Variants in MAPK10 observed in about 807,000 individuals in gnomAD.
MAPK10 encodes the protein JNK3 alpha protein kinase.
A neutral mutation model predicts 59.3 loss-of-function variants in MAPK10; 25 were observed. The ratio of observed to expected loss-of-function variants is 0.42; its 90% confidence interval spans 0.31 to 0.59. MAPK10 has a LOEUF of 0.59. MAPK10 is among the 20% of genes least tolerant of loss of function. The pLI, the probability that MAPK10 is intolerant of heterozygous loss-of-function variation, is 0.15. For synonymous variants in MAPK10, 190 were observed against 200.5 expected (o/e 0.95, Z 0.44); for missense variants, 351 against 568.9 (o/e 0.62, Z 3.90).
intron 11 of MAPK10, among the ~76,000 whole-genome samples, chr4:86,036,170 C>T (rs1430677295): frequency 6.6e-6 from 1 of 152,020 alleles, no homozygotes; most frequent in African/African-American, 2.4e-5. Flanking sequence ...TCGCAGGGCA[C>T]CAGAAAGGCA....
rs1742719465 is a variant in MAPK10 at position 86,014,931 on chromosome 4, A to G, written c.*2297T>C. ...GTGGTATAAAGTAAGGGAGGGGAGAAGCCACAGATATATCAAGAGAAAAGT... is the reference window on the plus strand; with the variant it reads ...GTGGTATAAAGTAAGGGAGGGGAGAGGCCACAGATATATCAAGAGAAAAGT... On this transcript the variant is annotated 3_prime_UTR_variant, in exon 14 of 14. Transcript: ENST00000641462. The G allele has an allele frequency of 6.6e-6, 1 of 151,912 alleles. No individual in the cohort carries two copies. The allele number at this position is 151,912 out of a possible 1,614,324, so 9.4% of individuals were successfully genotyped here. A position where few individuals can be genotyped will look rare whatever the true frequency, so the allele number is the denominator to read the frequency against.
intron 13 of MAPK10, among the ~76,000 whole-genome samples, chr4:86,021,165 T>C (rs369759118): frequency 6.6e-6 from 1 of 151,882 alleles, no homozygotes; most frequent in Non-Finnish European, 1.5e-5. Flanking sequence ...TCACAAACCT[T>C]GAGCTAAACA....
At chr4:86,282,601 T>C (rs544773465) in intron 2 of MAPK10, among the ~76,000 whole-genome samples, 8 of 152,318 alleles carry the variant, frequency 5.3e-5, no homozygotes, top group African/African-American at 1.9e-4. Context: ...ACATATAATT[T>C]AAAATTTTCC....
At chr4:86,373,183 C>T (rs951168051) in intron 1 of MAPK10, among the ~76,000 whole-genome samples, 11 of 152,096 alleles carry the variant, frequency 7.2e-5, no homozygotes, top group South Asian at 2.1e-4. Flanking sequence ...TAATAAACGA[C>T]GTTGGGAAAA....
Position 86,013,742 on chromosome 4 carries a change from G to GA in MAPK10, c.*3485dup, listed in dbSNP as rs1165994312. 1.3e-5 allele frequency: 2 copies of GA among 152,054 alleles called. No homozygotes were observed. The highest frequency in any genetic ancestry group is 4.8e-5 in the African/African-American group (2 of 41,410). 9.4% of individuals were successfully genotyped at this position (152,054 alleles called of 1,614,324 possible). On this transcript the variant is annotated 3_prime_UTR_variant, in exon 14 of 14. Transcript: ENST00000641462. Reference sequence around the variant, plus strand: ...GATAATATTTTTCTGATAACAGATTGAAAAAACTATCGAGCTTCTTAACCC... The same window carrying GA: ...GATAATATTTTTCTGATAACAGATTGAAAAAAACTATCGAGCTTCTTAACCC...
At chr4:86,169,049 C>T (rs2073043145) in intron 3 of MAPK10, among the ~76,000 whole-genome samples, 2 of 151,818 alleles carry the variant, frequency 1.3e-5, no homozygotes, top group African/African-American at 2.4e-5. Context: ...ACATCCACAC[C>T]AAAAACCCAT....
At chr4:86,054,116 A>G (rs1361524844) in intron 11 of MAPK10, among the ~76,000 whole-genome samples, 1 of 152,214 alleles carries the variant, frequency 6.6e-6, no homozygotes, top group African/African-American at 2.4e-5. Flanking sequence ...TGAACAATTC[A>G]ACCATTCCAG....
chr4:86,239,837 T>A (rs1389003724), intron 2 of MAPK10, among the ~76,000 whole-genome samples: 1 of 152,038 alleles, frequency 6.6e-6, no homozygotes, highest in Non-Finnish European at 1.5e-5. Flanking sequence ...TGGGAGGGTT[T>A]TTTGTATCTC....
At chr4:86,448,083 T>C (rs1004648289) in intron 1 of MAPK10, among the ~76,000 whole-genome samples, 2 of 152,162 alleles carry the variant, frequency 1.3e-5, no homozygotes, top group Non-Finnish European at 1.5e-5. Context: ...TATGTTAATA[T>C]GTAAAGAGCC....
At chr4:86,447,899 T>A (rs1280721317) in intron 1 of MAPK10, among the ~76,000 whole-genome samples, 1 of 152,320 alleles carries the variant, frequency 6.6e-6, no homozygotes, top group Non-Finnish European at 1.5e-5. Context: ...CATGGGGGAA[T>A]GTGTAGCCTA....
intron 1 of MAPK10, among the ~76,000 whole-genome samples, chr4:86,411,946 T>G (rs1409867918): frequency 6.6e-6 from 1 of 152,210 alleles, no homozygotes; most frequent in African/African-American, 2.4e-5. Context: ...GTCATTATGA[T>G]GTTAGCTGGT....
chr4:86,140,804 C>T (rs182440533), intron 4 of MAPK10, among the ~76,000 whole-genome samples: 12 of 152,214 alleles, frequency 7.9e-5, no homozygotes, highest in East Asian at 3.9e-4. Context: ...CACGCATGCA[C>T]GCATAACTAT....
At chr4:86,365,172 A>G (rs1473586746) in intron 1 of MAPK10, among the ~76,000 whole-genome samples, 1 of 151,908 alleles carries the variant, frequency 6.6e-6, no homozygotes. Flanking sequence ...CACCTTGGCC[A>G]GGTAATCCCA....
intron 2 of MAPK10, among the ~76,000 whole-genome samples, chr4:86,281,141 T>G (rs2094786720): frequency 6.6e-6 from 1 of 152,164 alleles, no homozygotes; most frequent in Non-Finnish European, 1.5e-5. Flanking sequence ...AATGTCAGTT[T>G]CTGTTATTTG....
At chr4:86,092,215 A>C (rs2053366885) in intron 9 of MAPK10, among the ~76,000 whole-genome samples, 1 of 152,116 alleles carries the variant, frequency 6.6e-6, no homozygotes, top group Non-Finnish European at 1.5e-5. Flanking sequence ...CTTTATTTTA[A>C]TATATCTTTA....
chr4:86,581,898 ATT>A (rs1491342942), intron 1 of MAPK10, among the ~76,000 whole-genome samples: 18 of 97,448 alleles, frequency 1.8e-4, no homozygotes, highest in African/African-American at 4.4e-4. Context: ...AGCTATATAT[ATT>A]ATATATATAT....
intron 4 of MAPK10, among the ~76,000 whole-genome samples, chr4:86,144,016 T>A (rs1434652394): frequency 6.6e-6 from 1 of 152,176 alleles, no homozygotes; most frequent in Non-Finnish European, 1.5e-5. Flanking sequence ...AATTGCTAAA[T>A]ATTTTTTGAA....
chr4:86,398,091 A>T (rs1743207172), intron 1 of MAPK10, among the ~76,000 whole-genome samples: 1 of 152,094 alleles, frequency 6.6e-6, no homozygotes, highest in Non-Finnish European at 1.5e-5. Flanking sequence ...GAGAAGAGAC[A>T]GGCGCACAGG....
At chr4:86,479,485 A>AAC (rs1401748841) in intron 1 of MAPK10, among the ~76,000 whole-genome samples, 1 of 151,628 alleles carries the variant, frequency 6.6e-6, no homozygotes, top group Non-Finnish European at 1.5e-5. Flanking sequence ...AAAAAAAAAA[A>AAC]AAAACTTGTC....
Sources: gnomAD v4.1 joint callset for allele counts (sites outside exome capture counted in the v4.1 genomes callset) on GRCh38, gnomAD v4.1.1 for gene constraint, MANE v1.5 for transcripts, NCBI Gene and HGNC (gene_info 2026-07-23, HGNC 2026-07-21) for gene names.